MGAT4C: variants seen among roughly 807,000 people sequenced by gnomAD.
MGAT4C encodes MGAT4 family member C.
In MGAT4C, 19 loss-of-function variants were observed where a neutral mutation model predicts 40.1. The observed-to-expected ratio is 0.47, with a 90% CI of 0.33 to 0.70. The LOEUF (loss-of-function observed/expected upper bound fraction) is 0.70. Among genes scored for constraint, MGAT4C ranks in the 30% least tolerant of loss-of-function variants. The pLI is 0.02. For missense variants in MGAT4C, 491 were observed against 563.2 expected, an observed-to-expected ratio of 0.87 and a Z score of 1.30; for synonymous variants, 181 against 187.1, an observed-to-expected ratio of 0.97 and a Z score of 0.27.
chr12:86,298,989 A>G (rs1228947370), intron 4 of MGAT4C, among the ~76,000 whole-genome samples: 17 of 152,206 alleles, frequency 1.1e-4, no homozygotes, highest in Admixed American at 1.1e-3. Context: ...GTACTATTTA[A>G]AACATATATA....
chr12:86,516,916 T>C (rs1050406991), intron 2 of MGAT4C, among the ~76,000 whole-genome samples: 2 of 152,180 alleles, frequency 1.3e-5, no homozygotes, highest in Admixed American at 6.5e-5. Context: ...ACAAACATTA[T>C]ACACAAATGT....
chr12:86,515,867 C>G (rs912577671), intron 2 of MGAT4C, among the ~76,000 whole-genome samples: 1 of 151,800 alleles, frequency 6.6e-6, no homozygotes, highest in South Asian at 2.1e-4. Context: ...CTCAGCCTCC[C>G]GAGTAGCTGG....
Position 86,422,702 on chromosome 12 carries a change from A to T in MGAT4C, c.-120+12455T>A, listed in dbSNP as rs576395249. On this transcript the variant is annotated intron_variant, in intron 3 of 7. Transcript: ENST00000548651. ...TCAATATTCTGGCTAATGTGACACA[A>T]TTCAATAAAGATATTGTGGAATAAT... Among the ~76,000 whole-genome samples the T allele has an allele frequency of 2.6e-5, 4 of 152,332 alleles. No individual in the cohort carries two copies. The East Asian group carries it at 5.8e-4, about 22-fold the overall frequency.
chr12:86,207,779 A>C (rs1950314686), intron 1 of MGAT4C, among the ~76,000 whole-genome samples: 1 of 152,186 alleles, frequency 6.6e-6, no homozygotes, highest in Admixed American at 6.5e-5. Flanking sequence ...AATGCTAAGA[A>C]CTTTGATCCT....
At chr12:86,262,913 T>C (rs1952690270) in intron 4 of MGAT4C, among the ~76,000 whole-genome samples, 1 of 152,118 alleles carries the variant, frequency 6.6e-6, no homozygotes, top group South Asian at 2.1e-4. Flanking sequence ...TATGGAATAT[T>C]TTTCAACTTT....
chr12:86,488,551 G>A (rs1958069691), intron 2 of MGAT4C, among the ~76,000 whole-genome samples: 1 of 152,054 alleles, frequency 6.6e-6, no homozygotes. Context: ...AAGCAAATTA[G>A]ATTTATTCTG....
At chr12:86,340,853 C>A (rs557812038) in intron 3 of MGAT4C, among the ~76,000 whole-genome samples, 1 of 152,238 alleles carries the variant, frequency 6.6e-6, no homozygotes, top group African/African-American at 2.4e-5. Context: ...GAAGTCTTCA[C>A]AAGTAAACTT....
intron 1 of MGAT4C, among the ~76,000 whole-genome samples, chr12:86,741,405 A>T (rs1951067307): frequency 6.6e-6 from 1 of 151,372 alleles, no homozygotes; most frequent in African/African-American, 2.4e-5. Flanking sequence ...TATAATGCAT[A>T]TTATTGTTAA....
At chr12:86,026,496 C>G (rs538351744) in intron 2 of MGAT4C, among the ~76,000 whole-genome samples, 5 of 151,938 alleles carry the variant, frequency 3.3e-5, no homozygotes, top group African/African-American at 1.2e-4. Flanking sequence ...GCTGAATAGT[C>G]TAGTTGAAAC....
intron 3 of MGAT4C, among the ~76,000 whole-genome samples, chr12:86,380,441 T>C (rs1057035614): frequency 2.6e-5 from 4 of 152,136 alleles, no homozygotes; most frequent in African/African-American, 7.2e-5. Flanking sequence ...ATAACATTGC[T>C]TGTATGCCAG....
At position 85,979,368 on chromosome 12, in the gene MGAT4C, A is replaced by AT; in HGVS notation, c.1357dup (p.Ile453AsnfsTer19). The AT allele has an allele frequency of 1.2e-6, 2 of 1,612,606 alleles. No individual in the cohort carries two copies. Among genetic ancestry groups the AT allele is most frequent in the Non-Finnish European group, 1.7e-6 (2 of 1,179,028 alleles). ...GGTGACATATATCCTCATACAATGT[A>AT]TATCAAATGGAATTTTTTGATTTAC... is the stretch of plus-strand genomic sequence containing the variant. On this transcript the variant is annotated frameshift_variant, in exon 5 of 5. Transcript: ENST00000611864. LOFTEE classifies it high-confidence loss of function.
At chr12:86,444,567 T>C (rs146614317) in intron 2 of MGAT4C, among the ~76,000 whole-genome samples, 1 of 152,270 alleles carries the variant, frequency 6.6e-6, no homozygotes, top group East Asian at 1.9e-4. Context: ...CACGGCAAAA[T>C]AGAACAATTG....
At chr12:86,314,561 A>C (rs181818701) in intron 4 of MGAT4C, among the ~76,000 whole-genome samples, 4 of 152,340 alleles carry the variant, frequency 2.6e-5, no homozygotes, top group African/African-American at 9.6e-5. Flanking sequence ...CCCTATCAAA[A>C]GACTTTTAGA....
At chr12:86,467,189 C>T (rs747070393) in intron 2 of MGAT4C, among the ~76,000 whole-genome samples, 7 of 152,274 alleles carry the variant, frequency 4.6e-5, no homozygotes, top group Admixed American at 2.6e-4. Flanking sequence ...TGTTCTACTT[C>T]CTGGCCATGT....
chr12:86,037,656 T>G (rs773665550), intron 2 of MGAT4C, among the ~76,000 whole-genome samples: 2 of 147,426 alleles, frequency 1.4e-5, no homozygotes, highest in Non-Finnish European at 3.1e-5. Flanking sequence ...TCTGAGAGAG[T>G]GTTTGTTATT....
chr12:86,191,454 T>G (rs1439559080), intron 1 of MGAT4C, among the ~76,000 whole-genome samples: 2 of 151,750 alleles, frequency 1.3e-5, no homozygotes, highest in African/African-American at 4.8e-5. Flanking sequence ...GATCATGTAT[T>G]TGATATTTTA....
At chr12:86,574,178 G>A (rs1015964331) in intron 2 of MGAT4C, among the ~76,000 whole-genome samples, 2 of 151,474 alleles carry the variant, frequency 1.3e-5, no homozygotes, top group African/African-American at 4.8e-5. Flanking sequence ...CTATGCATTA[G>A]GATATTGAGA....
chr12:86,007,142 C>T (rs1264923436), intron 2 of MGAT4C, among the ~76,000 whole-genome samples: 1 of 152,010 alleles, frequency 6.6e-6, no homozygotes, highest in Non-Finnish European at 1.5e-5. Context: ...TCTGCATTTT[C>T]AACTGTGTTC....
intron 4 of MGAT4C, among the ~76,000 whole-genome samples, chr12:86,307,692 T>G (rs1402171341): frequency 3.3e-5 from 5 of 150,220 alleles, no homozygotes; most frequent in Non-Finnish European, 7.4e-5. Flanking sequence ...TACAATTTCT[T>G]TCTTTTATTT....
Sources: gnomAD v4.1 joint callset for allele counts (sites outside exome capture counted in the v4.1 genomes callset) on GRCh38, gnomAD v4.1.1 for gene constraint, MANE v1.5 for transcripts, NCBI Gene and HGNC (gene_info 2026-07-23, HGNC 2026-07-21) for gene names.